The following ANKS1B variants were observed in gnomAD, a reference collection of about 807,000 sequenced individuals.
ANKS1B encodes the protein ankyrin repeat and sterile alpha motif domain containing 1B, also known as ankyrin repeat and sterile alpha motif domain-containing protein 1B.
Under a neutral mutation model 148.3 loss-of-function variants are expected in ANKS1B, and 36 were observed. The ratio of observed to expected loss-of-function variants is 0.24; its 90% CI spans 0.19 to 0.32. The LOEUF (loss-of-function observed/expected upper bound fraction) is 0.32. Ranked by LOEUF, ANKS1B falls within the 10% of genes least tolerant of loss-of-function variation. ANKS1B has a pLI of 1.00. For synonymous variants in ANKS1B, 542 were observed against 560.8 expected (o/e 0.97, Z 0.47); for missense variants, 1,157 against 1,542.6 (o/e 0.75, Z 4.19).
At chr12:99,918,327 C>T (rs776134694) in intron 1 of ANKS1B, among the ~76,000 whole-genome samples, 19 of 152,170 alleles carry the variant, frequency 1.2e-4, no homozygotes, top group African/African-American at 2.2e-4. Context: ...TTGTACTTCC[C>T]GTTCTCTCAA....
At chr12:99,362,790 C>T (rs1272813837) in intron 12 of ANKS1B, among the ~76,000 whole-genome samples, 1 of 151,986 alleles carries the variant, frequency 6.6e-6, no homozygotes, top group Admixed American at 6.6e-5. Flanking sequence ...ACATTTTCTC[C>T]TCTGAAGACA....
At chr12:99,937,663 C>T (rs1300877532) in intron 1 of ANKS1B, among the ~76,000 whole-genome samples, 1 of 152,130 alleles carries the variant, frequency 6.6e-6, no homozygotes, top group Non-Finnish European at 1.5e-5. Context: ...TATTGCTACA[C>T]TGATTTAACA....
chr12:99,497,258 A>C (rs1321837516), intron 10 of ANKS1B, among the ~76,000 whole-genome samples: 1 of 152,218 alleles, frequency 6.6e-6, no homozygotes, highest in Non-Finnish European at 1.5e-5. Flanking sequence ...TCTTTAGACA[A>C]TGATGACAAG....
At chr12:99,893,987 G>T (rs889765443) in intron 1 of ANKS1B, among the ~76,000 whole-genome samples, 3 of 151,916 alleles carry the variant, frequency 2.0e-5, no homozygotes, top group African/African-American at 7.3e-5. Context: ...GACAACCAAG[G>T]ATCACAGGAC....
At chr12:99,178,414 G>A (rs1252491204) in intron 14 of ANKS1B, among the ~76,000 whole-genome samples, 1 of 152,164 alleles carries the variant, frequency 6.6e-6, no homozygotes, top group Non-Finnish European at 1.5e-5. Context: ...CCTGCTGTTG[G>A]CATATCCAAT....
chr12:98,761,219 C>T (rs1343841792), intron 25 of ANKS1B, among the ~76,000 whole-genome samples: 1 of 152,248 alleles, frequency 6.6e-6, no homozygotes, highest in Non-Finnish European at 1.5e-5. Flanking sequence ...TGCTGGTCTT[C>T]TGTGCCTATT....
At chr12:99,648,398 G>A (rs753279689) in intron 9 of ANKS1B, 35 of 1,614,010 alleles carry the variant, frequency 2.2e-5, no homozygotes, top group Middle Eastern at 1.6e-4. Flanking sequence ...GGCATCGTTC[G>A]CACCAGCCCC....
At chr12:98,736,882 G>A (rs12303961) in intron 9 of ANKS1B, among the ~76,000 whole-genome samples, 21,117 of 152,144 alleles carry the variant, frequency 0.14, 1,760 homozygotes, top group East Asian at 0.24. Flanking sequence ...TTGAGCATCT[G>A]CATGCCAAGC....
At chr12:98,797,370 T>C (rs2098959192) in intron 22 of ANKS1B, among the ~76,000 whole-genome samples, 1 of 152,206 alleles carries the variant, frequency 6.6e-6, no homozygotes, top group Non-Finnish European at 1.5e-5. Context: ...CTTGAGCAAG[T>C]TATTCAACCT....
chr12:98,846,201 C>T (rs2099467132), intron 17 of ANKS1B, among the ~76,000 whole-genome samples: 1 of 152,130 alleles, frequency 6.6e-6, no homozygotes, highest in Non-Finnish European at 1.5e-5. Flanking sequence ...CACACTGGCT[C>T]CAGCAGTATC....
chr12:99,900,931 T>G (rs574763686), intron 1 of ANKS1B, among the ~76,000 whole-genome samples: 13 of 152,244 alleles, frequency 8.5e-5, no homozygotes, highest in Non-Finnish European at 1.9e-4. Context: ...TGCCATTATA[T>G]AATTTTTTCT....
At chr12:99,803,739 T>C (rs1188755528) in intron 4 of ANKS1B, among the ~76,000 whole-genome samples, 1 of 152,230 alleles carries the variant, frequency 6.6e-6, no homozygotes, top group East Asian at 1.9e-4. Context: ...AGCCAAATAA[T>C]GCACATATGC....
chr12:99,068,206 G>A (rs2153579702), intron 16 of ANKS1B, among the ~76,000 whole-genome samples: 1 of 152,092 alleles, frequency 6.6e-6, no homozygotes. Context: ...GTATACATTT[G>A]AAATACATGC....
At chr12:99,238,320 A>G (rs992245267) in intron 14 of ANKS1B, among the ~76,000 whole-genome samples, 6 of 152,194 alleles carry the variant, frequency 3.9e-5, no homozygotes, top group Non-Finnish European at 5.9e-5. Context: ...TGAGATCAAC[A>G]TGCAATGCTG....
intron 1 of ANKS1B, among the ~76,000 whole-genome samples, chr12:99,832,643 GA>G (rs1391187657): frequency 6.6e-6 from 1 of 151,748 alleles, no homozygotes; most frequent in Admixed American, 6.6e-5. Flanking sequence ...AGAATCACTT[GA>G]ACCCAGGAGG....
At chr12:99,365,527 A>AGTG (rs1413503842) in intron 12 of ANKS1B, among the ~76,000 whole-genome samples, 1 of 152,056 alleles carries the variant, frequency 6.6e-6, no homozygotes, top group East Asian at 1.9e-4. Flanking sequence ...GGGTATAGAG[A>AGTG]GTGGAGAGTT....
intron 9 of ANKS1B, among the ~76,000 whole-genome samples, chr12:99,549,841 G>T (rs528260727): frequency 2.0e-5 from 3 of 152,316 alleles, no homozygotes; most frequent in South Asian, 4.1e-4. Flanking sequence ...GGCTTGGGCT[G>T]TGAAAAACAT....
At chr12:99,218,115 AAC>A (rs1004728130) in intron 14 of ANKS1B, among the ~76,000 whole-genome samples, 5 of 152,168 alleles carry the variant, frequency 3.3e-5, no homozygotes, top group African/African-American at 9.7e-5. Flanking sequence ...AGGCCATATT[AAC>A]ACCAGGATGC....
chr12:98,749,054 T>C (rs1268193749), intron 26 of ANKS1B, among the ~76,000 whole-genome samples: 2 of 152,168 alleles, frequency 1.3e-5, no homozygotes, highest in Non-Finnish European at 2.9e-5. Flanking sequence ...GCTATGGGCC[T>C]GGTTCCGGTG....
Sources: gnomAD v4.1 joint callset for allele counts (sites outside exome capture counted in the v4.1 genomes callset) on GRCh38, gnomAD v4.1.1 for gene constraint, MANE v1.5 for transcripts, NCBI Gene and HGNC (gene_info 2026-07-23, HGNC 2026-07-21) for gene names.